The following SOX5 variants were observed in gnomAD, a reference collection of about 807,000 sequenced individuals.
SOX5 encodes transcription factor SOX-5.
In SOX5, 9 loss-of-function variants were observed where a neutral mutation model predicts 92.0. That is an observed-to-expected ratio of 0.10 (90% confidence interval 0.06 to 0.17). The LOEUF (loss-of-function observed/expected upper bound fraction) is 0.17, where lower values mean the gene tolerates loss of function less well. SOX5 is among the 10% of genes least tolerant of loss of function. The probability of loss-of-function intolerance (pLI) is 1.00; values close to 1 mark genes in which losing one functional copy is unlikely to be tolerated. For missense variants in SOX5, 642 were observed against 944.5 expected (o/e 0.68, Z 4.20); for synonymous variants, 344 against 336.3 (o/e 1.02, Z -0.25).
At chr12:23,961,756 C>T (rs1425143317) in intron 4 of SOX5, among the ~76,000 whole-genome samples, 1 of 152,172 alleles carries the variant, frequency 6.6e-6, no homozygotes, top group African/African-American at 2.4e-5. Context: ...TGTAGTACCA[C>T]TGCACTCTTT....
intron 1 of SOX5, among the ~76,000 whole-genome samples, chr12:23,928,968 C>A (rs78214403): frequency 0.011 from 1,642 of 151,512 alleles, 28 homozygotes; most frequent in African/African-American, 0.037. Context: ...AATATAATTA[C>A]TAAAATAATA....
At chr12:23,865,032 C>CA (rs1170342298) in intron 2 of SOX5, among the ~76,000 whole-genome samples, 6 of 152,126 alleles carry the variant, frequency 3.9e-5, no homozygotes, top group African/African-American at 1.4e-4. Flanking sequence ...TTAATGGTGA[C>CA]ATTAAGTTGA....
chr12:24,219,096 A>C (rs2139771707), intron 3 of SOX5, among the ~76,000 whole-genome samples: 1 of 152,242 alleles, frequency 6.6e-6, no homozygotes, highest in Non-Finnish European at 1.5e-5. Context: ...ATAAAAGAAA[A>C]TTTTAGCTGC....
intron 4 of SOX5, among the ~76,000 whole-genome samples, chr12:24,133,979 G>A (rs1428807640): frequency 1.3e-5 from 2 of 152,048 alleles, no homozygotes; most frequent in Non-Finnish European, 2.9e-5. Flanking sequence ...TTCTACTTTA[G>A]GGCAAATTAG....
chr12:23,896,166 G>T, intron 1 of SOX5, 142 bp from the exon 2 acceptor site: 1 of 629,752 alleles, frequency 1.6e-6, no homozygotes. Context: ...CCACTGCAAA[G>T]CACACACAAT....
chr12:23,949,794 T>TCTCTCTCTCTCTC (rs1945283668), upstream of SOX5: 1 of 453,174 alleles, frequency 2.2e-6, no homozygotes, highest in Non-Finnish European at 3.7e-6. Context: ...CTCTCTCTCT[T>TCTCTCTCTCTCTC]TCTCCCCCCC....
chr12:23,902,290 C>G (rs4456353), intron 1 of SOX5, among the ~76,000 whole-genome samples: 85,431 of 151,950 alleles, frequency 0.56, 24,447 homozygotes, highest in East Asian at 0.79. Context: ...TTATATAGTA[C>G]ATTCTTTTTT....
chr12:24,046,773 G>C (rs756971165), intron 4 of SOX5, among the ~76,000 whole-genome samples: 2 of 147,950 alleles, frequency 1.4e-5, no homozygotes, highest in Non-Finnish European at 3.0e-5. Context: ...GCTGCCTCCT[G>C]AGTTCAAGCC....
intron 4 of SOX5, among the ~76,000 whole-genome samples, chr12:24,115,672 A>C (rs898811710): frequency 6.6e-6 from 1 of 152,234 alleles, no homozygotes; most frequent in Non-Finnish European, 1.5e-5. Context: ...ATAGGAAAAG[A>C]AAGTAATTAC....
intron 6 of SOX5, among the ~76,000 whole-genome samples, chr12:23,733,871 T>C (rs1593806057): frequency 6.6e-6 from 1 of 152,166 alleles, no homozygotes; most frequent in Non-Finnish European, 1.5e-5. Context: ...GTTGGATTCA[T>C]AGCTCCATGA....
intron 4 of SOX5, among the ~76,000 whole-genome samples, chr12:24,212,913 G>C (rs1189955313): frequency 1.3e-5 from 2 of 152,100 alleles, no homozygotes; most frequent in Admixed American, 1.3e-4. Flanking sequence ...CAGAGTACAT[G>C]GCAGAGAAGA....
At chr12:23,952,030 ATGG>A (rs1197394308), upstream of SOX5, among the ~76,000 whole-genome samples, 2 of 152,168 alleles carry the variant, frequency 1.3e-5, no homozygotes, top group African/African-American at 4.8e-5. Context: ...TCATTTGTTA[ATGG>A]TTGTTATGAG....
intron 4 of SOX5, among the ~76,000 whole-genome samples, chr12:24,114,705 C>T (rs116253738): frequency 0.012 from 1,774 of 151,088 alleles, 23 homozygotes; most frequent in African/African-American, 0.04. Flanking sequence ...TGGCAGGCCA[C>T]GGTGGGAGAA....
chr12:23,889,660 T>C (rs913169271), intron 2 of SOX5, among the ~76,000 whole-genome samples: 1 of 152,204 alleles, frequency 6.6e-6, no homozygotes, highest in African/African-American at 2.4e-5. Context: ...ATGTTATACT[T>C]AGGATCTCAG....
intron 4 of SOX5, among the ~76,000 whole-genome samples, chr12:24,105,846 C>T (rs1946610300): frequency 1.3e-5 from 2 of 151,286 alleles, no homozygotes; most frequent in Non-Finnish European, 1.5e-5. Flanking sequence ...CCAAAAAGTA[C>T]AGAAAGAAGC....
chr12:23,747,323 T>C (rs1051758622), intron 4 of SOX5, among the ~76,000 whole-genome samples: 1 of 152,144 alleles, frequency 6.6e-6, no homozygotes, highest in Non-Finnish European at 1.5e-5. Context: ...CTATTTCTAC[T>C]TGTTTCCTTA....
chr12:23,668,011 C>T (rs779804065), intron 6 of SOX5, among the ~76,000 whole-genome samples: 2 of 152,154 alleles, frequency 1.3e-5, no homozygotes, highest in South Asian at 4.1e-4. Flanking sequence ...CATTTGCAGA[C>T]GTGCACAAAG....
intron 1 of SOX5, among the ~76,000 whole-genome samples, chr12:24,477,231 T>C (rs1945495189): frequency 6.6e-6 from 1 of 151,710 alleles, no homozygotes; most frequent in Non-Finnish European, 1.5e-5. Context: ...CCTCCTGGGC[T>C]CGAGCGATTC....
intron 4 of SOX5, among the ~76,000 whole-genome samples, chr12:24,126,656 T>C (rs912866678): frequency 1.3e-5 from 2 of 152,196 alleles, no homozygotes; most frequent in East Asian, 1.9e-4. Flanking sequence ...AACCCGACAA[T>C]TGCATTCCCT....
Sources: gnomAD v4.1 joint callset for allele counts (sites outside exome capture counted in the v4.1 genomes callset) on GRCh38, gnomAD v4.1.1 for gene constraint, MANE v1.5 for transcripts, NCBI Gene and HGNC (gene_info 2026-07-23, HGNC 2026-07-21) for gene names.